The following PCDH15 variants were observed in gnomAD, a reference collection of about 807,000 sequenced individuals.
The protein encoded by PCDH15 is protocadherin-15.
Under a neutral mutation model 178.5 loss-of-function variants are expected in PCDH15, and 129 were observed. That is an observed-to-expected ratio of 0.72 (90% CI 0.63 to 0.84). The LOEUF is 0.84. PCDH15 is among the 40% of genes least tolerant of loss of function. The pLI, the probability that PCDH15 is intolerant of heterozygous loss-of-function variation, is 0.00. For missense variants in PCDH15, 2,230 were observed against 2,099.9 expected (o/e 1.06, Z -1.21); for synonymous variants, 800 against 732.0 (o/e 1.09, Z -1.50).
At chr10:53,927,321 T>G (rs1475931831) in intron 25 of PCDH15, among the ~76,000 whole-genome samples, 2 of 152,184 alleles carry the variant, frequency 1.3e-5, no homozygotes, top group Non-Finnish European at 2.9e-5. Context: ...CACTTTTACC[T>G]TTTACCTTGG....
At chr10:55,129,345 C>T (rs1180805831) in intron 2 of PCDH15, among the ~76,000 whole-genome samples, 1 of 152,052 alleles carries the variant, frequency 6.6e-6, no homozygotes, top group African/African-American at 2.4e-5. Context: ...AAGAGTCTTT[C>T]CCAATGCCAG....
intron 7 of PCDH15, among the ~76,000 whole-genome samples, chr10:54,324,725 C>A (rs857387): frequency 0.72 from 108,970 of 151,988 alleles, 39,873 homozygotes; most frequent in Middle Eastern, 0.82. Context: ...AGATCACCCC[C>A]CTGCACTACA....
In PCDH15 at chr10:55,599,815, T is replaced by G. The variant is rs915702652; in HGVS notation, c.-156+27810A>C. 24 of 717,874 alleles carry G rather than the reference T, an allele frequency of 3.3e-5. 1 individual carries two copies. In the African/African-American group the frequency reaches 4.0e-4, roughly 12 times the overall value. The allele number at this position is 717,874 out of a possible 1,614,324, so 44.5% of individuals were successfully genotyped here. On this transcript the variant is annotated intron_variant, in intron 2 of 5. Coordinates refer to the PCDH15 transcript ENST00000613346. ...TGCTAGTATTAGAGGCACTGCCTGC[T>G]CAGTGACATATGTTTAAGGGTTGCG...
At chr10:54,640,481 G>A (rs1448422555) in intron 2 of PCDH15, among the ~76,000 whole-genome samples, 1 of 151,884 alleles carries the variant, frequency 6.6e-6, no homozygotes, top group Non-Finnish European at 1.5e-5. Flanking sequence ...ACTGAACAAT[G>A]ATTTTTTTCC....
At chr10:54,493,456 G>T (rs2079804461) in intron 3 of PCDH15, among the ~76,000 whole-genome samples, 1 of 150,846 alleles carries the variant, frequency 6.6e-6, no homozygotes. Context: ...CCCCTGCATA[G>T]AATTTTCTAA....
chr10:54,862,410 G>A (rs188607492), intron 3 of PCDH15, among the ~76,000 whole-genome samples: 10 of 152,310 alleles, frequency 6.6e-5, no homozygotes, highest in Non-Finnish European at 1.0e-4. Flanking sequence ...TAGAGGAGGA[G>A]AGGATTTGTG....
chr10:55,139,351 C>A (rs1444826731), intron 2 of PCDH15, among the ~76,000 whole-genome samples: 2 of 149,786 alleles, frequency 1.3e-5, no homozygotes, highest in African/African-American at 2.5e-5. Context: ...TCAAAGAACT[C>A]TTTGCCTAGC....
chr10:54,579,722 A>G (rs2090857057), intron 2 of PCDH15, among the ~76,000 whole-genome samples: 1 of 152,052 alleles, frequency 6.6e-6, no homozygotes, highest in Admixed American at 6.6e-5. Flanking sequence ...GGGTGACCAC[A>G]TGCTCAGCCA....
At chr10:55,065,502 C>T (rs1309669826) in intron 2 of PCDH15, among the ~76,000 whole-genome samples, 1 of 151,980 alleles carries the variant, frequency 6.6e-6, no homozygotes, top group African/African-American at 2.4e-5. Flanking sequence ...TGACTTTCTT[C>T]AAAACACATA....
At chr10:55,055,433 C>A (rs1342390867) in intron 2 of PCDH15, among the ~76,000 whole-genome samples, 2 of 152,108 alleles carry the variant, frequency 1.3e-5, no homozygotes, top group Non-Finnish European at 2.9e-5. Context: ...AAAGGAGAAC[C>A]ACACTAGCCT....
intron 21 of PCDH15, among the ~76,000 whole-genome samples, chr10:53,979,882 T>C (rs574005686): frequency 2.1e-4 from 32 of 152,240 alleles, no homozygotes; most frequent in African/African-American, 7.7e-4. Flanking sequence ...ATAGTAATTG[T>C]GTTATATGTA....
chr10:54,468,968 AT>A, intron 3 of PCDH15, among the ~76,000 whole-genome samples: 1 of 152,020 alleles, frequency 6.6e-6, no homozygotes, highest in East Asian at 1.9e-4. Flanking sequence ...ACTCCTGCTC[AT>A]TTTTTTGCTT....
intron 25 of PCDH15, among the ~76,000 whole-genome samples, chr10:53,915,922 G>T (rs761036864): frequency 6.6e-6 from 1 of 152,114 alleles, no homozygotes; most frequent in Non-Finnish European, 1.5e-5. Flanking sequence ...TGACAACACT[G>T]ACACTTTGTC....
At chr10:54,765,177 C>T (rs1451459264) in intron 1 of PCDH15, among the ~76,000 whole-genome samples, 4 of 152,172 alleles carry the variant, frequency 2.6e-5, no homozygotes, top group Admixed American at 6.5e-5. Flanking sequence ...ACATAGGCCA[C>T]GTGCATAAAT....
chr10:55,162,338 A>C (rs1206314323), intron 2 of PCDH15, among the ~76,000 whole-genome samples: 1 of 152,194 alleles, frequency 6.6e-6, no homozygotes, highest in Non-Finnish European at 1.5e-5. Context: ...GAATAAACAT[A>C]GTGTTGATGT....
chr10:53,956,569 TA>T (rs1007191707), intron 23 of PCDH15, among the ~76,000 whole-genome samples: 2 of 152,192 alleles, frequency 1.3e-5, no homozygotes, highest in Admixed American at 6.5e-5. Flanking sequence ...TTAATCCTTT[TA>T]AGTACTCAAG....
intron 8 of PCDH15, among the ~76,000 whole-genome samples, chr10:54,239,776 T>C (rs1408239113): frequency 6.6e-6 from 1 of 152,102 alleles, no homozygotes; most frequent in East Asian, 1.9e-4. Flanking sequence ...CTATAGAGAC[T>C]AGCAACTTAT....
At chr10:55,110,290 T>C (rs1000453547) in intron 2 of PCDH15, among the ~76,000 whole-genome samples, 1 of 152,042 alleles carries the variant, frequency 6.6e-6, no homozygotes, top group African/African-American at 2.4e-5. Flanking sequence ...GAAGTTTTAA[T>C]AAGATATTCA....
chr10:54,021,170 C>G (rs1009139366), intron 19 of PCDH15, among the ~76,000 whole-genome samples: 19 of 151,996 alleles, frequency 1.3e-4, no homozygotes, highest in African/African-American at 4.6e-4. Flanking sequence ...TATCCTTTAG[C>G]TGAAAGGATG....
Sources: allele counts gnomAD v4.1 joint callset (sites outside exome capture counted in the v4.1 genomes callset), GRCh38; gene constraint gnomAD v4.1.1; transcripts MANE v1.5; gene names NCBI Gene and HGNC (gene_info 2026-07-23, HGNC 2026-07-21).